Variants in PRIM2 observed in about 807,000 individuals in gnomAD.
PRIM2 encodes DNA primase large subunit.
Under a neutral mutation model 67.3 loss-of-function variants are expected in PRIM2, and 39 were observed. The ratio of observed to expected loss-of-function variants is 0.58; its 90% CI spans 0.45 to 0.76. PRIM2 has a LOEUF of 0.76. Among genes scored for constraint, PRIM2 ranks in the 30% least tolerant of loss-of-function variants. PRIM2 has a pLI of 0.00. For missense variants in PRIM2, 398 were observed against 598.7 expected, an observed-to-expected ratio of 0.66 and a Z score of 3.50; for synonymous variants, 143 against 198.7, an observed-to-expected ratio of 0.72 and a Z score of 2.36.
the PRIM2 span, among the ~76,000 whole-genome samples, chr6:57,295,989 A>G: frequency 2.6e-5 from 4 of 152,328 alleles, no homozygotes; most frequent in Middle Eastern, 0.014. Flanking sequence ...TGTGACATTT[A>G]TAACCATATC....
Position 57,336,019 on chromosome 6 carries a change from C to G in PRIM2, c.459+9974C>G, listed in dbSNP as rs1439814285. Among the ~76,000 whole-genome samples the G allele has an allele frequency of 7.2e-5, 11 of 151,860 alleles. 1 individual carries two copies. The South Asian group carries it at 1.0e-3, about 14-fold the overall frequency. On this transcript the variant is annotated intron_variant, in intron 5 of 13. Coordinates refer to ENST00000615550, the MANE Select transcript of PRIM2 (RefSeq NM_000947.5). ...CAATACAGAGAAGTGCTTAAAGGAG[C>G]TGATGGAGCTGAAAACCAAGGCTCG... is the stretch of plus-strand genomic sequence containing the variant.
chr6:57,616,748 C>G (rs1776764344), intron 12 of PRIM2, among the ~76,000 whole-genome samples: 1 of 152,106 alleles, frequency 6.6e-6, no homozygotes, highest in South Asian at 2.1e-4. Flanking sequence ...CTATTTCTAT[C>G]AAGTTCCAAA....
At chr6:57,539,566 T>TTGTGTG (rs1175516387) in intron 10 of PRIM2, among the ~76,000 whole-genome samples, 11 of 147,346 alleles carry the variant, frequency 7.5e-5, no homozygotes, top group South Asian at 2.2e-4. Context: ...ATTATATTCT[T>TTGTGTG]TGTGTGTGTG....
intron 5 of PRIM2, among the ~76,000 whole-genome samples, chr6:57,357,316 T>C (rs1769061758): frequency 6.6e-6 from 1 of 152,160 alleles, no homozygotes; most frequent in Non-Finnish European, 1.5e-5. Context: ...CTTCAGCAAT[T>C]TCCTATTAAT....
intron 12 of PRIM2, among the ~76,000 whole-genome samples, chr6:57,615,293 C>T (rs1181996204): frequency 6.6e-6 from 1 of 151,842 alleles, no homozygotes; most frequent in Admixed American, 6.6e-5. Flanking sequence ...GAGGCATGCA[C>T]CTGTAGTGTC....
chr6:57,393,964 C>T (rs1458891804), intron 7 of PRIM2, among the ~76,000 whole-genome samples: 1 of 151,684 alleles, frequency 6.6e-6, no homozygotes, highest in Non-Finnish European at 1.5e-5. Flanking sequence ...TGAAGATCAG[C>T]TGGCTGTAAG....
the PRIM2 span, among the ~76,000 whole-genome samples, chr6:57,250,407 A>G: frequency 6.6e-6 from 1 of 152,196 alleles, no homozygotes; most frequent in African/African-American, 2.4e-5. Context: ...CTTATAATCC[A>G]AGGGAAAAAA....
At position 57,645,979 on chromosome 6, in the gene PRIM2, A is replaced by C; in HGVS notation, c.1351A>C (p.Ser451Arg). The change falls in exon 14 of 14, where the codon AGC becomes CGC. Residue 451 changes from serine to arginine, a missense_variant. Coordinates refer to ENST00000615550, the MANE Select transcript of PRIM2 (RefSeq NM_000947.5). ...LNHPNQFFCE[S>R]QRILNGGKDI... ...TCATCCTAATCAGTTCTTTTGTGAG[A>C]GCCAACGTATTCTAAATGGTGGTAA... The C allele has an allele frequency of 6.2e-7, 1 of 1,606,874 alleles. No homozygotes were observed. Among genetic ancestry groups the C allele is most frequent in the Non-Finnish European group, 8.5e-7 (1 of 1,173,472 alleles).
chr6:57,437,683 T>A (rs998147829), intron 7 of PRIM2, among the ~76,000 whole-genome samples: 1 of 117,566 alleles, frequency 8.5e-6, no homozygotes, highest in African/African-American at 3.3e-5. Context: ...TTTTTTTTTT[T>A]AAGACAGGGT....
intron 13 of PRIM2, among the ~76,000 whole-genome samples, chr6:57,644,347 G>T (rs1156805200): frequency 6.6e-6 from 1 of 151,806 alleles, no homozygotes; most frequent in Non-Finnish European, 1.5e-5. Context: ...CTTTCCAGAC[G>T]CAACTCAAAT....
intron 13 of PRIM2, among the ~76,000 whole-genome samples, chr6:57,635,850 T>G (rs1455772551): frequency 1.3e-5 from 2 of 152,190 alleles, no homozygotes; most frequent in African/African-American, 4.8e-5. Flanking sequence ...TTCTTTCTCC[T>G]CCACACAGCT....
chr6:57,368,818 C>T (rs1283315004), intron 5 of PRIM2, among the ~76,000 whole-genome samples: 1 of 152,082 alleles, frequency 6.6e-6, no homozygotes, highest in East Asian at 1.9e-4. Flanking sequence ...TGGTAACGAC[C>T]CCCAAACCTC....
chr6:57,407,032 T>C (rs1245548930), intron 7 of PRIM2, among the ~76,000 whole-genome samples: 2 of 151,354 alleles, frequency 1.3e-5, no homozygotes, highest in Non-Finnish European at 2.9e-5. Flanking sequence ...AGAAGACAGA[T>C]TACTTGCTTA....
chr6:57,608,715 G>GAA (rs1228501753), intron 12 of PRIM2, among the ~76,000 whole-genome samples: 12 of 76,274 alleles, frequency 1.6e-4, no homozygotes, highest in Non-Finnish European at 2.3e-4. Context: ...CCTGTCTCAA[G>GAA]AAAAAAAAAA....
At chr6:57,265,088 T>A in the PRIM2 span, among the ~76,000 whole-genome samples, 2 of 152,326 alleles carry the variant, frequency 1.3e-5, no homozygotes, top group Middle Eastern at 3.4e-3. Flanking sequence ...AGCTGTACAG[T>A]GCTATAAAAT....
intron 7 of PRIM2, among the ~76,000 whole-genome samples, chr6:57,392,496 A>G (rs1218762258): frequency 6.6e-6 from 1 of 152,120 alleles, no homozygotes; most frequent in African/African-American, 2.4e-5. Context: ...AATTTATCAA[A>G]TATCAAAATT....
the PRIM2 span, among the ~76,000 whole-genome samples, chr6:57,243,260 A>G: frequency 6.6e-6 from 1 of 152,198 alleles, no homozygotes; most frequent in South Asian, 2.1e-4. Context: ...TGGGGAAAGA[A>G]GAAGGATAAG....
intron 5 of PRIM2, among the ~76,000 whole-genome samples, chr6:57,377,377 T>C (rs1301079629): frequency 1.3e-5 from 2 of 152,180 alleles, no homozygotes; most frequent in East Asian, 3.8e-4. Flanking sequence ...GGAGTCTCAT[T>C]TCCTGGTGTG....
chr6:57,232,614 T>G, the PRIM2 span, among the ~76,000 whole-genome samples: 10 of 152,186 alleles, frequency 6.6e-5, no homozygotes, highest in Non-Finnish European at 1.5e-4. Context: ...CAACCATCTT[T>G]CAAGAGCCTT....
Sources: allele counts gnomAD v4.1 joint callset (sites outside exome capture counted in the v4.1 genomes callset), GRCh38; gene constraint gnomAD v4.1.1; transcripts MANE v1.5; gene names NCBI Gene and HGNC (gene_info 2026-07-23, HGNC 2026-07-21).